Variants in SPECC1L observed in about 807,000 individuals in gnomAD.
SPECC1L encodes the protein sperm antigen with calponin homology and coiled-coil domains 1 like.
SPECC1L carries 40 observed loss-of-function variants against 116.8 expected under a neutral mutation model. The ratio of observed to expected loss-of-function variants is 0.34; its 90% CI spans 0.27 to 0.45. The LOEUF (loss-of-function observed/expected upper bound fraction) is 0.45. Ranked by LOEUF, SPECC1L falls within the 20% of genes least tolerant of loss-of-function variation. The pLI is 1.00. For missense variants in SPECC1L, 1,110 were observed against 1,373.6 expected (o/e 0.81, Z 3.03); for synonymous variants, 504 against 500.6 (o/e 1.01, Z -0.09).
intron 11 of SPECC1L, among the ~76,000 whole-genome samples, chr22:24,359,652 C>T (rs1466096806): frequency 4.6e-5 from 7 of 151,988 alleles, no homozygotes; most frequent in African/African-American, 1.5e-4. Flanking sequence ...TGAGCTGGCC[C>T]CTCTGGCCTA....
At chr22:24,376,052 A>G (rs144517279) in intron 14 of SPECC1L, among the ~76,000 whole-genome samples, 225 of 152,336 alleles carry the variant, frequency 1.5e-3, no homozygotes, top group African/African-American at 5.2e-3. Context: ...ATCAGGAACA[A>G]GAAAGAATGT....
intron 2 of SPECC1L, among the ~76,000 whole-genome samples, chr22:24,297,009 G>GC (rs2146387263): frequency 6.8e-6 from 1 of 147,904 alleles, no homozygotes; most frequent in Admixed American, 6.8e-5. Context: ...GTAGTGGTGT[G>GC]ATCCCAGCTC....
At chr22:24,333,767 A>G (rs2040988777) in intron 8 of SPECC1L, among the ~76,000 whole-genome samples, 1 of 152,176 alleles carries the variant, frequency 6.6e-6, no homozygotes, top group South Asian at 2.1e-4. Flanking sequence ...TCGGCAGCAC[A>G]GGACCTGGAG....
At chr22:24,372,667 C>T (rs1057412530) in intron 14 of SPECC1L, among the ~76,000 whole-genome samples, 29 of 150,942 alleles carry the variant, frequency 1.9e-4, no homozygotes, top group Non-Finnish European at 2.4e-4. Context: ...CAGCCAATAT[C>T]ATACTGAATG....
chr22:24,369,486 G>A (rs2041833957), intron 14 of SPECC1L, among the ~76,000 whole-genome samples, 166 bp downstream of exon 14: 1 of 152,158 alleles, frequency 6.6e-6, no homozygotes, highest in Admixed American at 6.5e-5. Context: ...TGGATCACTT[G>A]TGCCCAGGAG....
chr22:24,280,186 C>T (rs8135565), intron 2 of SPECC1L, among the ~76,000 whole-genome samples: 3,233 of 152,226 alleles, frequency 0.021, 48 homozygotes, highest in African/African-American at 0.073. Context: ...TAATCAGCCT[C>T]CCCTTGTACA....
At chr22:24,383,511 A>G (rs2042099231) in intron 14 of SPECC1L, among the ~76,000 whole-genome samples, 1 of 152,242 alleles carries the variant, frequency 6.6e-6, no homozygotes, top group Non-Finnish European at 1.5e-5. Context: ...GAGGTGATCC[A>G]GATATTGGAA....
At chr22:24,328,360 A>G (rs2040871680) in intron 6 of SPECC1L, among the ~76,000 whole-genome samples, 1 of 152,180 alleles carries the variant, frequency 6.6e-6, no homozygotes, top group Non-Finnish European at 1.5e-5. Context: ...AAAGATTTTT[A>G]TAGAATTAAT....
chr22:24,349,428 G>A (rs372080323), intron 11 of SPECC1L, among the ~76,000 whole-genome samples: 4 of 152,300 alleles, frequency 2.6e-5, no homozygotes, highest in African/African-American at 9.6e-5. Flanking sequence ...CACTTTCTTT[G>A]TTATTGTATC....
chr22:24,405,328 C>T (rs1249938552), intron 14 of SPECC1L, among the ~76,000 whole-genome samples: 2 of 151,822 alleles, frequency 1.3e-5, no homozygotes, highest in Admixed American at 6.6e-5. Context: ...CCATGTGCAG[C>T]AACACATGGA....
At chr22:24,285,401 A>C (rs1045546854) in intron 2 of SPECC1L, among the ~76,000 whole-genome samples, 1 of 152,142 alleles carries the variant, frequency 6.6e-6, no homozygotes, top group South Asian at 2.1e-4. Flanking sequence ...AAGATGAAAG[A>C]CCGAAATTTG....
intron 10 of SPECC1L, among the ~76,000 whole-genome samples, chr22:24,346,165 C>T (rs2041290966): frequency 2.6e-5 from 4 of 152,084 alleles, no homozygotes; most frequent in Admixed American, 2.6e-4. Flanking sequence ...TGCCACCACG[C>T]CCAGCTAATT....
intron 2 of SPECC1L, among the ~76,000 whole-genome samples, chr22:24,299,122 T>G (rs1008215628): frequency 6.6e-6 from 1 of 152,206 alleles, no homozygotes; most frequent in African/African-American, 2.4e-5. Context: ...AATATAGTCC[T>G]GCCTGAAAAT....
intron 2 of SPECC1L, among the ~76,000 whole-genome samples, chr22:24,288,464 A>G (rs1270361623): frequency 6.6e-6 from 1 of 152,128 alleles, no homozygotes; most frequent in Non-Finnish European, 1.5e-5. Context: ...GACACAGGGA[A>G]AAAGAACTTC....
In SPECC1L at chr22:24,322,513, T is replaced by C. The variant is rs1194907422; in HGVS notation, c.1533T>C (p.Gly511=). ...NARFEREQLL[G]VQQHLSNTLK... ...GTTTTGAACGGGAGCAGCTTCTTGG[T>C]GTCCAGCAGCATTTAAGCAATACTT... is the stretch of plus-strand genomic sequence containing the variant. The change falls in exon 5 of 17, where the codon GGT becomes GGC. Residue 511 remains glycine (G), a synonymous_variant. Coordinates refer to ENST00000314328, the MANE Select transcript of SPECC1L (RefSeq NM_015330.6). The C allele has an allele frequency of 6.2e-7, 1 of 1,614,052 alleles. No homozygotes were observed. The highest frequency in any genetic ancestry group is 1.3e-5 in the African/African-American group (1 of 74,930).
Position 24,415,729 on chromosome 22 carries a change from GGTTGA to G in SPECC1L, c.*1111_*1115del, listed in dbSNP as rs2042789691. 1 of 152,386 alleles carries G rather than the reference GGTTGA, an allele frequency of 6.6e-6. No individual in the cohort carries two copies. Among genetic ancestry groups the G allele is most frequent in the South Asian group, 2.1e-4 (1 of 4,830 alleles). 9.4% of individuals were successfully genotyped at this position (152,386 alleles called of 1,614,324 possible). ...CAAGGCAGGACCTCCAAGACTCAGT[GGTTGA>G]GTTGTCTCCTACCACCATGCCCGCC... On this transcript the variant is annotated 3_prime_UTR_variant, in exon 17 of 17. Coordinates refer to ENST00000314328, the MANE Select transcript of SPECC1L (RefSeq NM_015330.6).
chr22:24,296,590 T>C (rs2049267878), intron 2 of SPECC1L, among the ~76,000 whole-genome samples: 1 of 152,368 alleles, frequency 6.6e-6, no homozygotes, highest in African/African-American at 2.4e-5. Context: ...AGTGGTAATT[T>C]CCACCACTTC....
At chr22:24,384,609 T>G (rs1034435948) in intron 14 of SPECC1L, among the ~76,000 whole-genome samples, 2 of 152,224 alleles carry the variant, frequency 1.3e-5, no homozygotes, top group African/African-American at 4.8e-5. Context: ...TAATTTGTCA[T>G]AGACTCTGAA....
intron 14 of SPECC1L, among the ~76,000 whole-genome samples, chr22:24,370,150 G>A (rs958444259): frequency 6.6e-6 from 1 of 152,208 alleles, no homozygotes; most frequent in Non-Finnish European, 1.5e-5. Context: ...TGCAAAAGAG[G>A]TAATAACATT....
Sources: allele counts gnomAD v4.1 joint callset (sites outside exome capture counted in the v4.1 genomes callset), GRCh38; gene constraint gnomAD v4.1.1; transcripts MANE v1.5; gene names NCBI Gene and HGNC (gene_info 2026-07-23, HGNC 2026-07-21).